Variants in CIMAP1A observed in about 807,000 individuals in gnomAD.
CIMAP1A encodes the protein cancer/testis antigen 135.
At chr11:197,848 G>A in the CIMAP1A span, 2 of 1,524,950 alleles carry the variant, frequency 1.3e-6, no homozygotes, top group Non-Finnish European at 8.9e-7. Context: ...TGTCAGCAAG[G>A]GTGTGGGAGA....
the CIMAP1A span, chr11:199,370 CCCCA>C: frequency 2.5e-6 from 4 of 1,569,550 alleles, no homozygotes; most frequent in Middle Eastern, 6.7e-4. Flanking sequence ...ACCTCTCAGA[CCCCA>C]GGTCCCGCAG....
At chr11:198,826 G>T in the CIMAP1A span, 2 of 1,385,378 alleles carry the variant, frequency 1.4e-6, no homozygotes, top group Non-Finnish European at 1.9e-6. Context: ...AAGAGATGGG[G>T]TTTAGGAAGC....
chr11:197,712 C>T, the CIMAP1A span: 2 of 1,613,832 alleles, frequency 1.2e-6, no homozygotes, highest in African/African-American at 1.3e-5. Flanking sequence ...GCCCTGCCTA[C>T]TCCATCCTGG....
chr11:200,151 C>T, the CIMAP1A span: 56 of 930,538 alleles, frequency 6.0e-5, 1 homozygote, highest in Admixed American at 6.2e-4. Context: ...GGGCAGAGCA[C>T]GCTTGTTTGG....
the CIMAP1A span, chr11:199,710 C>T: frequency 1.4e-6 from 2 of 1,435,180 alleles, no homozygotes; most frequent in African/African-American, 1.4e-5. Flanking sequence ...TGTACATTTC[C>T]AGCACTAGGC....
At chr11:197,337 G>A in the CIMAP1A span, 420,541 of 1,587,562 alleles carry the variant, frequency 0.26, 65,064 homozygotes, top group East Asian at 0.7. Context: ...GTACCTGGAG[G>A]CCCCATCGCC....
chr11:197,315 A>G, the CIMAP1A span: 1 of 1,580,164 alleles, frequency 6.3e-7, no homozygotes, highest in Middle Eastern at 1.7e-4. Flanking sequence ...ATGACGGAGG[A>G]GGTATGGATG....
the CIMAP1A span, chr11:198,840 G>A: frequency 7.4e-7 from 1 of 1,360,412 alleles, no homozygotes; most frequent in South Asian, 1.8e-5. Context: ...AGGAAGCACT[G>A]TCTGGAGAGA....
chr11:199,071 CCAACAGGGCAG>C, the CIMAP1A span: 19 of 1,269,952 alleles, frequency 1.5e-5, no homozygotes, highest in Admixed American at 5.0e-4. Flanking sequence ...GCCCTCAGGT[CCAACAGGGCAG>C]CAACAGCCTC....
the CIMAP1A span, chr11:198,145 C>A: frequency 1.3e-6 from 2 of 1,585,820 alleles, no homozygotes; most frequent in Non-Finnish European, 1.7e-6. Context: ...AGCCCCCAAA[C>A]TGGGCTGCAT....
At chr11:199,951 T>C in the CIMAP1A span, 1 of 1,614,066 alleles carries the variant, frequency 6.2e-7, no homozygotes, top group Non-Finnish European at 8.5e-7. Flanking sequence ...CAGGTGACCC[T>C]GACCAAGCCC....
the CIMAP1A span, chr11:198,986 T>C: frequency 0.47 from 548,911 of 1,175,354 alleles, 130,909 homozygotes; most frequent in East Asian, 0.71. Flanking sequence ...GCCTGAGAGC[T>C]TGAGGGGCCT....
the CIMAP1A span, chr11:200,003 CAT>C: frequency 6.2e-7 from 1 of 1,614,082 alleles, no homozygotes; most frequent in Non-Finnish European, 8.5e-7. Flanking sequence ...ACTCTGATTA[CAT>C]GACTCCCCTG....
chr11:196,911 A>G, the CIMAP1A span: 1 of 166,558 alleles, frequency 6.0e-6, no homozygotes, highest in East Asian at 1.8e-4. Context: ...CTGTCCCTGC[A>G]CTGAAGAAGT....
the CIMAP1A span, chr11:198,906 C>A: frequency 8.1e-7 from 1 of 1,238,866 alleles, no homozygotes; most frequent in Non-Finnish European, 1.0e-6. Context: ...AAAAAATAAA[C>A]CATGAGCTAT....
At chr11:197,707 G>A in the CIMAP1A span, 4 of 1,613,838 alleles carry the variant, frequency 2.5e-6, no homozygotes, top group Non-Finnish European at 3.4e-6. Flanking sequence ...CCTTGGCCCT[G>A]CCTACTCCAT....
chr11:199,201 C>A, the CIMAP1A span: 1 of 1,439,726 alleles, frequency 6.9e-7, no homozygotes, highest in South Asian at 1.5e-5. Flanking sequence ...ACCCCACAAG[C>A]AGTGGGGTGT....
At chr11:197,492 A>G in the CIMAP1A span, 1 of 1,593,622 alleles carries the variant, frequency 6.3e-7, no homozygotes, top group Non-Finnish European at 8.6e-7. Context: ...CTGGGGCTCA[A>G]TCCCTGACTC....
At chr11:198,917 T>A in the CIMAP1A span, 2 of 1,207,234 alleles carry the variant, frequency 1.7e-6, no homozygotes, top group South Asian at 2.3e-5. Flanking sequence ...CATGAGCTAT[T>A]TGGGGGAGGA....
Sources: gnomAD v4.1 joint callset for allele counts on GRCh38, gnomAD v4.1.1 for gene constraint, MANE v1.5 for transcripts, NCBI Gene and HGNC (gene_info 2026-07-23, HGNC 2026-07-21) for gene names.